Variants in GRM7 observed in about 807,000 individuals in gnomAD.
GRM7 encodes glutamate metabotropic receptor 7.
Under a neutral mutation model 84.5 loss-of-function variants are expected in GRM7, and 35 were observed. That is an observed-to-expected ratio of 0.41 (90% CI 0.32 to 0.55). The LOEUF is 0.55. Ranked by LOEUF, GRM7 falls within the 20% of genes least tolerant of loss-of-function variation. The pLI, the probability that GRM7 is intolerant of heterozygous loss-of-function variation, is 0.19. For missense variants in GRM7, 1,003 were observed against 1,194.6 expected (o/e 0.84, Z 2.36); for synonymous variants, 487 against 455.1 (o/e 1.07, Z -0.89).
chr3:7,311,026 G>T (rs1340122005), intron 4 of GRM7, among the ~76,000 whole-genome samples: 1 of 152,010 alleles, frequency 6.6e-6, no homozygotes, highest in Non-Finnish European at 1.5e-5. Flanking sequence ...TGAAGCATCT[G>T]TCACATATAA....
intron 7 of GRM7, among the ~76,000 whole-genome samples, chr3:7,465,132 G>A (rs916754419): frequency 1.3e-5 from 2 of 152,130 alleles, no homozygotes; most frequent in Non-Finnish European, 2.9e-5. Context: ...GCTAAATCAG[G>A]GGTTTGTTCT....
intron 7 of GRM7, among the ~76,000 whole-genome samples, chr3:7,480,313 C>A (rs903225097): frequency 1.3e-5 from 2 of 152,112 alleles, no homozygotes; most frequent in African/African-American, 4.8e-5. Context: ...AGATTTAGAG[C>A]AATGTCTTAG....
chr3:7,690,160 G>A (rs1228478936), intron 9 of GRM7, among the ~76,000 whole-genome samples: 1 of 152,110 alleles, frequency 6.6e-6, no homozygotes, highest in African/African-American at 2.4e-5. Flanking sequence ...TGAGGCTATT[G>A]GGCTTTGAAG....
chr3:7,634,693 C>T lies in GRM7; in HGVS notation c.2452-45356C>T, dbSNP rs548760581. 9.2e-5 allele frequency among the ~76,000 whole-genome samples: 14 copies of T among 151,588 alleles called. No individual in the cohort carries two copies. In the South Asian group the frequency reaches 1.5e-3, roughly 16 times the overall value. ...CCTGTAGTCCAAGCTACTCGGGAGG[C>T]TGAGGCAGGAGAATGGCGTGAACCC... On this transcript the variant is annotated intron_variant, in intron 8 of 9. Transcript: ENST00000357716.
intron 2 of GRM7, among the ~76,000 whole-genome samples, chr3:7,273,119 G>T (rs1383059971): frequency 6.6e-6 from 1 of 152,020 alleles, no homozygotes; most frequent in Non-Finnish European, 1.5e-5. Flanking sequence ...TTATTTGGAA[G>T]TGTGTTATAT....
At chr3:7,371,047 G>A (rs905776580) in intron 4 of GRM7, among the ~76,000 whole-genome samples, 30 of 152,104 alleles carry the variant, frequency 2.0e-4, no homozygotes, top group Non-Finnish European at 3.5e-4. Flanking sequence ...ACTATTTTCA[G>A]TATTTTTTCT....
At chr3:6,959,799 C>T (rs1559353103) in intron 1 of GRM7, among the ~76,000 whole-genome samples, 1 of 152,110 alleles carries the variant, frequency 6.6e-6, no homozygotes, top group African/African-American at 2.4e-5. Context: ...TCTATTAATG[C>T]TCATTGTCCG....
chr3:7,120,098 A>G (rs2125042972), intron 1 of GRM7, among the ~76,000 whole-genome samples: 1 of 152,254 alleles, frequency 6.6e-6, no homozygotes, highest in East Asian at 1.9e-4. Context: ...AGAAAACTGA[A>G]GACATTTGAG....
chr3:7,667,269 TAAAA>T, intron 8 of GRM7, among the ~76,000 whole-genome samples: 1 of 140,826 alleles, frequency 7.1e-6, no homozygotes, highest in Non-Finnish European at 1.5e-5. Context: ...CCCTGTCTGT[TAAAA>T]AAAAAAAAGA....
At chr3:6,868,266 T>G (rs1695003263) in intron 1 of GRM7, among the ~76,000 whole-genome samples, 3 of 152,232 alleles carry the variant, frequency 2.0e-5, no homozygotes, top group Admixed American at 2.0e-4. Context: ...AACCACTACG[T>G]ATACTGCTCA....
chr3:7,113,893 A>G (rs1361478812), intron 1 of GRM7, among the ~76,000 whole-genome samples: 3 of 152,152 alleles, frequency 2.0e-5, no homozygotes, highest in Admixed American at 6.6e-5. Flanking sequence ...ATTTACTTGT[A>G]TTATTTTTAG....
intron 8 of GRM7, among the ~76,000 whole-genome samples, chr3:7,621,928 G>A (rs142232859): frequency 1.2e-3 from 180 of 152,232 alleles, no homozygotes; most frequent in African/African-American, 4.0e-3. Context: ...ATGAAGATGG[G>A]ATTGTTAAAT....
At chr3:6,910,621 G>T (rs767042549) in intron 1 of GRM7, among the ~76,000 whole-genome samples, 12 of 152,080 alleles carry the variant, frequency 7.9e-5, no homozygotes, top group East Asian at 1.9e-4. Context: ...TCTTTAGTTT[G>T]TACACATGTA....
At chr3:7,355,951 G>A (rs1244827250) in intron 4 of GRM7, among the ~76,000 whole-genome samples, 2 of 152,148 alleles carry the variant, frequency 1.3e-5, no homozygotes, top group Non-Finnish European at 2.9e-5. Flanking sequence ...ATAAGCAGGT[G>A]CCACCCAGAA....
chr3:7,376,240 T>G (rs1439218427), intron 4 of GRM7, among the ~76,000 whole-genome samples: 3 of 152,192 alleles, frequency 2.0e-5, no homozygotes, highest in Non-Finnish European at 4.4e-5. Flanking sequence ...CCAGACATCT[T>G]CATTTCAAAC....
chr3:7,095,041 C>A (rs1469914277), intron 1 of GRM7, among the ~76,000 whole-genome samples: 3 of 151,040 alleles, frequency 2.0e-5, no homozygotes, highest in Non-Finnish European at 2.9e-5. Context: ...AATTTCTTAT[C>A]CCTCTCCTAC....
intron 8 of GRM7, among the ~76,000 whole-genome samples, chr3:7,663,735 T>G (rs1182643304): frequency 1.3e-5 from 2 of 152,204 alleles, no homozygotes; most frequent in African/African-American, 4.8e-5. Context: ...CAAAAAGAAA[T>G]AAGTTAACTT....
chr3:7,483,296 A>G (rs2124940229), intron 7 of GRM7, among the ~76,000 whole-genome samples: 1 of 152,332 alleles, frequency 6.6e-6, no homozygotes, highest in East Asian at 1.9e-4. Flanking sequence ...GTGATGTGAT[A>G]CCAAAGGATA....
At chr3:7,147,894 TG>T (rs1694160252) in intron 2 of GRM7, among the ~76,000 whole-genome samples, 1 of 152,222 alleles carries the variant, frequency 6.6e-6, no homozygotes, top group Admixed American at 6.5e-5. Flanking sequence ...TCCTTTGTTT[TG>T]TTGGCTTGGT....
Sources: allele counts gnomAD v4.1 joint callset (sites outside exome capture counted in the v4.1 genomes callset), GRCh38; gene constraint gnomAD v4.1.1; transcripts MANE v1.5; gene names NCBI Gene and HGNC (gene_info 2026-07-23, HGNC 2026-07-21).